The following SEMA5A variants were observed in gnomAD, a reference collection of about 807,000 sequenced individuals.
SEMA5A encodes semaphorin 5A.
SEMA5A carries 55 observed loss-of-function variants against 135.5 expected under a neutral mutation model. That is an observed-to-expected ratio of 0.41 (90% CI 0.33 to 0.51). The LOEUF is 0.51. Among genes scored for constraint, SEMA5A ranks in the 20% least tolerant of loss-of-function variants. SEMA5A has a pLI of 0.37. For missense variants in SEMA5A, 1,290 were observed against 1,419.9 expected (o/e 0.91, Z 1.47); for synonymous variants, 580 against 546.5 (o/e 1.06, Z -0.85).
chr5:9,411,313 T>C (rs1180686297), intron 2 of SEMA5A, among the ~76,000 whole-genome samples: 1 of 152,200 alleles, frequency 6.6e-6, no homozygotes, highest in African/African-American at 2.4e-5. Flanking sequence ...GAGTTTTCCA[T>C]GTGTACTCTG....
intron 3 of SEMA5A, among the ~76,000 whole-genome samples, chr5:9,357,440 T>C (rs1011113431): frequency 3.3e-5 from 5 of 152,198 alleles, no homozygotes; most frequent in African/African-American, 1.2e-4. Flanking sequence ...GAGAATTGTT[T>C]TCACAAACAA....
At chr5:9,341,674 TTA>T (rs920976658) in intron 3 of SEMA5A, among the ~76,000 whole-genome samples, 6 of 22,876 alleles carry the variant, frequency 2.6e-4, no homozygotes, top group Middle Eastern at 0.029. Flanking sequence ...ATAATATATA[TTA>T]TATATATATA....
chr5:9,468,764 A>G (rs1218112349), intron 1 of SEMA5A, among the ~76,000 whole-genome samples: 1 of 152,244 alleles, frequency 6.6e-6, no homozygotes, highest in Non-Finnish European at 1.5e-5. Context: ...AATTACTAGT[A>G]TCACAACACC....
chr5:9,537,279 A>T (rs1223207211), intron 1 of SEMA5A, among the ~76,000 whole-genome samples: 1 of 152,222 alleles, frequency 6.6e-6, no homozygotes, highest in Non-Finnish European at 1.5e-5. Context: ...TCTGTTTCAA[A>T]ACTAAATACC....
intron 3 of SEMA5A, among the ~76,000 whole-genome samples, chr5:9,369,224 G>A (rs533977272): frequency 1.3e-4 from 20 of 152,192 alleles, no homozygotes; most frequent in African/African-American, 4.6e-4. Flanking sequence ...TATATATATG[G>A]TAAATATGTG....
chr5:9,144,991 CA>C (rs1742256107), intron 12 of SEMA5A, among the ~76,000 whole-genome samples: 1 of 152,018 alleles, frequency 6.6e-6, no homozygotes, highest in South Asian at 2.1e-4. Flanking sequence ...GCAAAGAAGG[CA>C]AACCACACAT....
At chr5:9,044,670 C>T (rs770202192) in intron 21 of SEMA5A, 86 bp from the exon 22 acceptor site, 3 of 1,162,506 alleles carry the variant, frequency 2.6e-6, no homozygotes, top group Non-Finnish European at 2.5e-6. Context: ...AAGAGAAAGT[C>T]AAAATGAAAA....
chr5:9,345,149 G>A (rs1296317469), intron 3 of SEMA5A, among the ~76,000 whole-genome samples: 1 of 151,792 alleles, frequency 6.6e-6, no homozygotes, highest in African/African-American at 2.4e-5. Flanking sequence ...ACCCACCCCT[G>A]TTTCAGAAAG....
At chr5:9,372,398 G>A (rs1004591186) in intron 3 of SEMA5A, among the ~76,000 whole-genome samples, 4 of 151,984 alleles carry the variant, frequency 2.6e-5, no homozygotes, top group Non-Finnish European at 4.4e-5. Context: ...GCAAGGAGAT[G>A]TGGACGTGCA....
intron 6 of SEMA5A, among the ~76,000 whole-genome samples, chr5:9,234,808 C>G (rs1388641617): frequency 6.6e-6 from 1 of 152,166 alleles, no homozygotes; most frequent in Non-Finnish European, 1.5e-5. Context: ...TTTGATTTTA[C>G]TTGAAAATAT....
intron 5 of SEMA5A, among the ~76,000 whole-genome samples, chr5:9,311,674 CA>C (rs1317176499): frequency 6.6e-6 from 1 of 151,896 alleles, no homozygotes; most frequent in Non-Finnish European, 1.5e-5. Context: ...AGCACACCAA[CA>C]AGGCACATGT....
chr5:9,233,145 C>T (rs1019469984), intron 6 of SEMA5A, among the ~76,000 whole-genome samples: 1 of 152,136 alleles, frequency 6.6e-6, no homozygotes, highest in Non-Finnish European at 1.5e-5. Flanking sequence ...AGATCATGAA[C>T]AAAAACTTTT....
At chr5:9,418,442 GC>G (rs1445591452) in intron 2 of SEMA5A, among the ~76,000 whole-genome samples, 4 of 152,168 alleles carry the variant, frequency 2.6e-5, no homozygotes, top group Non-Finnish European at 4.4e-5. Flanking sequence ...CTTCCTATAT[GC>G]AAAGCAGAGC....
chr5:9,041,211 T>C lies in SEMA5A; in HGVS notation c.*1686A>G, dbSNP rs1735948987. 1 of 152,278 alleles carries C rather than the reference T, an allele frequency of 6.6e-6. No homozygotes were observed. The highest frequency in any genetic ancestry group is 2.1e-4 in the South Asian group (1 of 4,824). The allele number at this position is 152,278 out of a possible 1,614,324, so 9.4% of individuals were successfully genotyped here. On this transcript the variant is annotated 3_prime_UTR_variant, in exon 23 of 23. Transcript: ENST00000382496. ...TATTCATTATTAAACATAGAATTCT[T>C]CTAACACTTTCTGAAATTGTTTCTT...
chr5:9,303,740 T>C (rs1751727707), intron 5 of SEMA5A, among the ~76,000 whole-genome samples: 1 of 152,138 alleles, frequency 6.6e-6, no homozygotes. Context: ...AATGTGCCAA[T>C]AAATATTTTT....
intron 2 of SEMA5A, among the ~76,000 whole-genome samples, chr5:9,408,482 T>G (rs2126594860): frequency 6.6e-6 from 1 of 152,326 alleles, no homozygotes; most frequent in Middle Eastern, 3.4e-3. Context: ...GGATATGCAG[T>G]AAATACTGAA....
At chr5:9,392,866 A>G (rs10513006) in intron 2 of SEMA5A, among the ~76,000 whole-genome samples, 1,689 of 152,332 alleles carry the variant, frequency 0.011, 27 homozygotes, top group African/African-American at 0.039. Flanking sequence ...GCAATGAATC[A>G]TCCACTTTAT....
At chr5:9,331,236 C>A (rs73050519) in intron 4 of SEMA5A, among the ~76,000 whole-genome samples, 5,125 of 151,846 alleles carry the variant, frequency 0.034, 298 homozygotes, top group African/African-American at 0.12. Flanking sequence ...TTATAATCAC[C>A]GAAAAATAAT....
chr5:9,233,610 T>C (rs914214876), intron 6 of SEMA5A, among the ~76,000 whole-genome samples: 3 of 152,232 alleles, frequency 2.0e-5, no homozygotes, highest in Admixed American at 6.5e-5. Context: ...TTTTCAAACC[T>C]GGCCCAAATA....
Sources: allele counts gnomAD v4.1 joint callset (sites outside exome capture counted in the v4.1 genomes callset), GRCh38; gene constraint gnomAD v4.1.1; transcripts MANE v1.5; gene names NCBI Gene and HGNC (gene_info 2026-07-23, HGNC 2026-07-21).